FOXJ3: variants seen among roughly 807,000 people sequenced by gnomAD.
FOXJ3 encodes the protein forkhead box protein J3.
Under a neutral mutation model 76.1 loss-of-function variants are expected in FOXJ3, and 22 were observed. The ratio of observed to expected loss-of-function variants is 0.29; its 90% CI spans 0.21 to 0.41. The LOEUF (loss-of-function observed/expected upper bound fraction) is 0.41. FOXJ3 is among the 10% of genes least tolerant of loss of function. The pLI, the probability that FOXJ3 is intolerant of heterozygous loss-of-function variation, is 1.00. For synonymous variants in FOXJ3, 269 were observed against 261.2 expected, an observed-to-expected ratio of 1.03 and a Z score of -0.29; for missense variants, 613 against 762.1, an observed-to-expected ratio of 0.80 and a Z score of 2.30.
At chr1:42,275,159 T>C (rs1443036399) in intron 3 of FOXJ3, among the ~76,000 whole-genome samples, 2 of 152,174 alleles carry the variant, frequency 1.3e-5, no homozygotes, top group East Asian at 3.9e-4. Flanking sequence ...GCACAATCCC[T>C]TCCCTTACAA....
chr1:42,215,851 A>G (rs1446817539), intron 5 of FOXJ3, among the ~76,000 whole-genome samples: 1 of 152,172 alleles, frequency 6.6e-6, no homozygotes, highest in Non-Finnish European at 1.5e-5. Context: ...TATCTAATAA[A>G]AAATACTCTT....
intron 3 of FOXJ3, 143 bp downstream of exon 3, chr1:42,278,205 C>G (rs1374658016): frequency 3.1e-6 from 2 of 648,590 alleles, no homozygotes; most frequent in Non-Finnish European, 5.3e-6. Flanking sequence ...TTCACCTAAG[C>G]TAAAAACTTT....
At chr1:42,238,542 T>A (rs1436243366) in intron 4 of FOXJ3, among the ~76,000 whole-genome samples, 2 of 152,156 alleles carry the variant, frequency 1.3e-5, no homozygotes, top group African/African-American at 2.4e-5. Flanking sequence ...CGCCAATTTC[T>A]AAAAATGAAA....
At chr1:42,185,824 C>T (rs1475061525) in intron 11 of FOXJ3, among the ~76,000 whole-genome samples, 1 of 152,066 alleles carries the variant, frequency 6.6e-6, no homozygotes, top group Non-Finnish European at 1.5e-5. Flanking sequence ...TCCCCTTCCC[C>T]CTTCCACACT....
At chr1:42,317,228 T>C (rs1655170018) in intron 1 of FOXJ3, among the ~76,000 whole-genome samples, 1 of 152,098 alleles carries the variant, frequency 6.6e-6, no homozygotes, top group African/African-American at 2.4e-5. Flanking sequence ...CAGATTATTA[T>C]ACCATTAGTA....
intron 2 of FOXJ3, among the ~76,000 whole-genome samples, chr1:42,306,291 C>CTTT (rs1557713406): frequency 8.0e-6 from 1 of 125,362 alleles, no homozygotes; most frequent in African/African-American, 3.0e-5. Flanking sequence ...ACTCTCTGAA[C>CTTT]TTTTTTCTTT....
intron 4 of FOXJ3, among the ~76,000 whole-genome samples, chr1:42,247,152 A>T (rs1172144381): frequency 6.6e-6 from 1 of 152,196 alleles, no homozygotes; most frequent in Non-Finnish European, 1.5e-5. Context: ...CAAAATAAAC[A>T]GAAGAAAGTA....
At chr1:42,252,684 G>A (rs1650197422) in intron 4 of FOXJ3, among the ~76,000 whole-genome samples, 2 of 149,422 alleles carry the variant, frequency 1.3e-5, no homozygotes, top group South Asian at 2.1e-4. Context: ...GAATGTGTTT[G>A]CTCTTGCTTT....
intron 4 of FOXJ3, among the ~76,000 whole-genome samples, chr1:42,235,722 C>T (rs1323943514): frequency 6.6e-6 from 1 of 152,096 alleles, no homozygotes; most frequent in East Asian, 1.9e-4. Context: ...GCCACCACAC[C>T]CGGATAATTT....
rs768173520 is a variant in FOXJ3, at chr1:42,194,934, C to T, written c.890G>A (p.Arg297Gln). The change falls in exon 8 of 13, where the codon CGG (arginine) becomes CAG (glutamine). Residue 297 changes from arginine (R) to glutamine (Q), a missense_variant. Coordinates refer to ENST00000361346, the MANE Select transcript of FOXJ3 (RefSeq NM_014947.5). ...CTCAAAAACTGACTTATAAAGGCTC[C>T]GAAATGAGGCACTAAGATCTTCAAA... ...YNFEDLSASF[R>Q]SLYKSVFEQS... The T allele has an allele frequency of 6.2e-6, 10 of 1,611,180 alleles. No individual in the cohort carries two copies. The highest frequency in any genetic ancestry group is 2.2e-5 in the East Asian group (1 of 44,726).
chr1:42,216,293 C>T (rs556135714), intron 5 of FOXJ3, among the ~76,000 whole-genome samples: 1,903 of 151,746 alleles, frequency 0.013, 36 homozygotes, highest in African/African-American at 0.043. Flanking sequence ...CCGAGGCGGG[C>T]GGATCACGAG....
chr1:42,189,501 A>G lies in FOXJ3; in HGVS notation c.1352-97T>C, dbSNP rs185177057. The G allele has an allele frequency of 9.7e-6, 8 of 824,048 alleles. No individual in the cohort carries two copies. In the Admixed American group the frequency reaches 1.6e-4, roughly 17 times the overall value. 51.0% of individuals were successfully genotyped at this position (824,048 alleles called of 1,614,324 possible). A position where few individuals can be genotyped will look rare whatever the true frequency, so the allele number is the denominator to read the frequency against. The stretch of plus-strand genomic sequence containing the variant: ...CTGCCCTTATTCCTGAAATTGGCTG[A>G]TTCTTGTCCCGTCTTACAAGGGGAT... On this transcript the variant is annotated intron_variant, in intron 9 of 12. Coordinates refer to ENST00000361346, the MANE Select transcript of FOXJ3 (RefSeq NM_014947.5).
chr1:42,194,811 T>C (rs1439572905), intron 8 of FOXJ3, 79 bp downstream of exon 8: 3 of 899,504 alleles, frequency 3.3e-6, no homozygotes, highest in Middle Eastern at 3.1e-4. Flanking sequence ...ATTAAGAGTA[T>C]AACAGCTGCC....
chr1:42,265,921 A>T (rs3768270), intron 3 of FOXJ3, among the ~76,000 whole-genome samples: 110,885 of 151,556 alleles, frequency 0.73, 40,746 homozygotes, highest in Admixed American at 0.81. Context: ...GTCTGTGAAA[A>T]AGAAATTTGT....
intron 6 of FOXJ3, among the ~76,000 whole-genome samples, chr1:42,201,060 A>T (rs1046470362): frequency 2.6e-5 from 4 of 152,208 alleles, no homozygotes; most frequent in Non-Finnish European, 5.9e-5. Context: ...GAATGCTAAC[A>T]TAAGTGTTAT....
chr1:42,319,901 T>C (rs1655333768), intron 1 of FOXJ3, among the ~76,000 whole-genome samples: 1 of 152,230 alleles, frequency 6.6e-6, no homozygotes, highest in South Asian at 2.1e-4. Context: ...AATAGTTTTC[T>C]GGTGGCCTCC....
chr1:42,188,387 A>G (rs991368315), intron 11 of FOXJ3, among the ~76,000 whole-genome samples: 2 of 152,226 alleles, frequency 1.3e-5, no homozygotes, highest in African/African-American at 2.4e-5. Context: ...TTTCCATTGC[A>G]GATCTGTACA....
intron 2 of FOXJ3, among the ~76,000 whole-genome samples, chr1:42,301,835 G>A (rs758429321): frequency 1.3e-5 from 2 of 151,928 alleles, no homozygotes; most frequent in African/African-American, 2.4e-5. Flanking sequence ...AGGATCCATC[G>A]CTGAAGAGTT....
Position 42,251,383 on chromosome 1 carries a change from T to A in FOXJ3, c.444+13732A>T, listed in dbSNP as rs147756469. 3.3e-3 allele frequency among the ~76,000 whole-genome samples: 497 copies of A among 152,114 alleles called. 2 individuals carry two copies. Among genetic ancestry groups the A allele is most frequent in the African/African-American group, 0.012 (484 of 41,510 alleles). On this transcript the variant is annotated intron_variant, in intron 4 of 12. Transcript: ENST00000361346. ...AGAAAAAAGTATACTGAGGATGAAA[T>A]AAAGATATTTTCAGAGGAACAAAGG...
Sources: gnomAD v4.1 joint callset for allele counts (sites outside exome capture counted in the v4.1 genomes callset) on GRCh38, gnomAD v4.1.1 for gene constraint, MANE v1.5 for transcripts, NCBI Gene and HGNC (gene_info 2026-07-23, HGNC 2026-07-21) for gene names.